Variants in ST6GALNAC5 observed in about 807,000 individuals in gnomAD.
ST6GALNAC5 encodes the protein alpha-N-acetylgalactosaminide alpha-2,6-sialyltransferase 5.
ST6GALNAC5 carries 27 observed loss-of-function variants against 33.6 expected under a neutral mutation model. The ratio of observed to expected loss-of-function variants is 0.80; its 90% CI spans 0.59 to 1.11. The LOEUF is 1.11. Ranked by LOEUF, ST6GALNAC5 falls within the 50% of genes least tolerant of loss-of-function variation. The probability of loss-of-function intolerance (pLI) is 0.00; values close to 1 mark genes in which losing one functional copy is unlikely to be tolerated. For missense variants in ST6GALNAC5, 428 were observed against 454.0 expected (o/e 0.94, Z 0.52); for synonymous variants, 194 against 171.2 (o/e 1.13, Z -1.04).
intron 2 of ST6GALNAC5, among the ~76,000 whole-genome samples, chr1:76,942,460 T>C (rs1194455820): frequency 6.6e-6 from 1 of 152,144 alleles, no homozygotes; most frequent in African/African-American, 2.4e-5. Context: ...ATACCGCCAG[T>C]ATCCATGACT....
intron 2 of ST6GALNAC5, among the ~76,000 whole-genome samples, chr1:76,966,449 G>A (rs1366899861): frequency 6.6e-6 from 1 of 152,198 alleles, no homozygotes. Flanking sequence ...CATTGATTTT[G>A]TATCTTGAGA....
chr1:76,927,336 C>G (rs1647095819), intron 2 of ST6GALNAC5, among the ~76,000 whole-genome samples: 1 of 151,886 alleles, frequency 6.6e-6, no homozygotes, highest in East Asian at 1.9e-4. Flanking sequence ...ATTGATATTT[C>G]TCAACACTAA....
intron 2 of ST6GALNAC5, among the ~76,000 whole-genome samples, chr1:76,960,441 C>T (rs1019612814): frequency 6.6e-6 from 1 of 152,018 alleles, no homozygotes; most frequent in African/African-American, 2.4e-5. Context: ...CAGGACGGGG[C>T]GAAATTAAAA....
chr1:77,011,909 G>T (rs868089434), intron 2 of ST6GALNAC5, among the ~76,000 whole-genome samples: 1 of 151,928 alleles, frequency 6.6e-6, no homozygotes, highest in East Asian at 1.9e-4. Context: ...ATACATTATC[G>T]CAATTAATCT....
intron 2 of ST6GALNAC5, among the ~76,000 whole-genome samples, chr1:76,947,771 G>A (rs17099760): frequency 5.7e-4 from 86 of 152,104 alleles, no homozygotes; most frequent in Non-Finnish European, 1.1e-3. Flanking sequence ...ATAATAAGAC[G>A]TTGGGAAACT....
intron 2 of ST6GALNAC5, among the ~76,000 whole-genome samples, chr1:76,956,548 G>A (rs1201016196): frequency 6.6e-6 from 1 of 152,082 alleles, no homozygotes. Context: ...CCCTCCTGTG[G>A]GAAGCCTACA....
At chr1:77,015,416 A>G (rs1650793344) in intron 2 of ST6GALNAC5, among the ~76,000 whole-genome samples, 1 of 152,160 alleles carries the variant, frequency 6.6e-6, no homozygotes, top group Non-Finnish European at 1.5e-5. Flanking sequence ...TGCTAGTCTC[A>G]TCCAGAAACA....
chr1:76,976,990 A>G (rs1649035468), intron 2 of ST6GALNAC5, among the ~76,000 whole-genome samples: 2 of 152,196 alleles, frequency 1.3e-5, no homozygotes, highest in Non-Finnish European at 2.9e-5. Context: ...GAGATTCTGC[A>G]TTTGTAGCAT....
chr1:76,882,871 A>G (rs1157737008), intron 2 of ST6GALNAC5, among the ~76,000 whole-genome samples: 1 of 152,074 alleles, frequency 6.6e-6, no homozygotes, highest in Non-Finnish European at 1.5e-5. Flanking sequence ...CTAATTCTCC[A>G]ACCCTACCCC....
chr1:76,982,750 G>C (rs779208119), intron 2 of ST6GALNAC5, among the ~76,000 whole-genome samples: 3 of 152,078 alleles, frequency 2.0e-5, no homozygotes, highest in African/African-American at 7.2e-5. Context: ...AAAGTATAAG[G>C]GCAGCCAGAA....
chr1:76,926,375 C>A (rs546886505), intron 2 of ST6GALNAC5, among the ~76,000 whole-genome samples: 6 of 152,130 alleles, frequency 3.9e-5, no homozygotes, highest in African/African-American at 1.4e-4. Context: ...ACTTGGTCAT[C>A]TCTTTATTCA....
intron 2 of ST6GALNAC5, among the ~76,000 whole-genome samples, chr1:76,872,085 AC>A: frequency 8.0e-6 from 1 of 125,548 alleles, no homozygotes; most frequent in Non-Finnish European, 1.8e-5. Flanking sequence ...ACACACACAC[AC>A]ACACACACAC....
intron 2 of ST6GALNAC5, among the ~76,000 whole-genome samples, chr1:76,983,980 C>T (rs2090965): frequency 0.34 from 52,349 of 152,116 alleles, 10,959 homozygotes; most frequent in Non-Finnish European, 0.45. Flanking sequence ...AAAGACACAA[C>T]GTGTCAGAAT....
chr1:77,008,977 AG>A (rs1428105538), intron 2 of ST6GALNAC5, among the ~76,000 whole-genome samples: 1 of 152,230 alleles, frequency 6.6e-6, no homozygotes, highest in Non-Finnish European at 1.5e-5. Flanking sequence ...GCTGAGAAAA[AG>A]ACATTTATGA....
At chr1:76,962,194 A>C (rs1347037798) in intron 2 of ST6GALNAC5, among the ~76,000 whole-genome samples, 1 of 152,228 alleles carries the variant, frequency 6.6e-6, no homozygotes, top group Non-Finnish European at 1.5e-5. Context: ...ATGAAAGTTG[A>C]GGAAGAAGAT....
At chr1:76,980,187 G>A (rs990303904) in intron 2 of ST6GALNAC5, among the ~76,000 whole-genome samples, 1 of 151,938 alleles carries the variant, frequency 6.6e-6, no homozygotes, top group East Asian at 1.9e-4. Context: ...TTAATAGTAT[G>A]TAGTAGGTTT....
chr1:76,937,217 G>A (rs1647217879), intron 2 of ST6GALNAC5, among the ~76,000 whole-genome samples: 1 of 151,864 alleles, frequency 6.6e-6, no homozygotes, highest in Non-Finnish European at 1.5e-5. Context: ...GACCCTGCAA[G>A]TGGTTTTTAT....
At chr1:76,936,644 G>A (rs1441446780) in intron 2 of ST6GALNAC5, among the ~76,000 whole-genome samples, 1 of 152,046 alleles carries the variant, frequency 6.6e-6, no homozygotes, top group Non-Finnish European at 1.5e-5. Context: ...TCCCTTTGTA[G>A]GGTCAACCCT....
At chr1:76,895,597 T>C (rs1240707523) in intron 2 of ST6GALNAC5, among the ~76,000 whole-genome samples, 2 of 152,190 alleles carry the variant, frequency 1.3e-5, no homozygotes, top group African/African-American at 2.4e-5. Flanking sequence ...AGATTCAGCA[T>C]AGTCCTGCCA....
Sources: allele counts gnomAD v4.1 joint callset (sites outside exome capture counted in the v4.1 genomes callset), GRCh38; gene constraint gnomAD v4.1.1; transcripts MANE v1.5; gene names NCBI Gene and HGNC (gene_info 2026-07-23, HGNC 2026-07-21).